The following KCNB2 variants were observed in gnomAD, a reference collection of about 807,000 sequenced individuals.
KCNB2 encodes delayed rectifier potassium channel protein.
KCNB2 carries 15 observed loss-of-function variants against 61.5 expected under a neutral mutation model. The ratio of observed to expected loss-of-function variants is 0.24; its 90% CI spans 0.16 to 0.38. The LOEUF (loss-of-function observed/expected upper bound fraction) is 0.38. Ranked by LOEUF, KCNB2 falls within the 10% of genes least tolerant of loss-of-function variation. The pLI, the probability that KCNB2 is intolerant of heterozygous loss-of-function variation, is 1.00. For synonymous variants in KCNB2, 457 were observed against 446.0 expected (o/e 1.02, Z -0.31); for missense variants, 828 against 1,125.2 (o/e 0.74, Z 3.78).
At chr8:72,757,786 G>A (rs2128996200) in intron 2 of KCNB2, among the ~76,000 whole-genome samples, 1 of 152,324 alleles carries the variant, frequency 6.6e-6, no homozygotes, top group East Asian at 1.9e-4. Flanking sequence ...GGCACTGACA[G>A]CAAAGGAAAA....
At chr8:72,927,808 T>G (rs1157123783) in intron 2 of KCNB2, among the ~76,000 whole-genome samples, 1 of 152,198 alleles carries the variant, frequency 6.6e-6, no homozygotes, top group African/African-American at 2.4e-5. Flanking sequence ...TCTTTATGGA[T>G]GCCCCCAGCC....
chr8:72,705,262 G>T (rs2255053), intron 2 of KCNB2, among the ~76,000 whole-genome samples: 1 of 152,030 alleles, frequency 6.6e-6, no homozygotes, highest in Non-Finnish European at 1.5e-5. Flanking sequence ...TCCCTGGAAC[G>T]TTTTTCTTGA....
At chr8:72,597,424 CT>C (rs1807217599) in intron 2 of KCNB2, among the ~76,000 whole-genome samples, 1 of 152,120 alleles carries the variant, frequency 6.6e-6, no homozygotes, top group African/African-American at 2.4e-5. Context: ...TTGTGTTGTT[CT>C]TGTTTCTTTG....
chr8:72,702,218 C>T (rs1807143478), intron 2 of KCNB2, among the ~76,000 whole-genome samples: 1 of 152,118 alleles, frequency 6.6e-6, no homozygotes, highest in African/African-American at 2.4e-5. Context: ...AAATTCTGTG[C>T]CAGCTCCTTT....
chr8:72,847,991 A>C (rs13262194), intron 2 of KCNB2, among the ~76,000 whole-genome samples: 129,741 of 152,124 alleles, frequency 0.85, 56,294 homozygotes, highest in Middle Eastern at 0.97. Flanking sequence ...TTCTCCTCAC[A>C]GTAGATCACA....
intron 2 of KCNB2, among the ~76,000 whole-genome samples, chr8:72,682,990 GT>G (rs1440902413): frequency 2.0e-5 from 3 of 152,172 alleles, no homozygotes; most frequent in Non-Finnish European, 4.4e-5. Flanking sequence ...ACTAGAAAAA[GT>G]TGTTTTGTGT....
At chr8:72,600,685 C>A (rs1050938207) in intron 2 of KCNB2, among the ~76,000 whole-genome samples, 5 of 151,838 alleles carry the variant, frequency 3.3e-5, no homozygotes, top group African/African-American at 1.2e-4. Context: ...ATGTCCTTTG[C>A]GGGAACATGG....
At chr8:72,762,882 AAT>A (rs10551590) in intron 2 of KCNB2, among the ~76,000 whole-genome samples, 45,904 of 141,476 alleles carry the variant, frequency 0.32, 7,356 homozygotes, top group African/African-American at 0.39. Flanking sequence ...CATATTAACA[AAT>A]ATATATATAT....
At chr8:72,605,587 A>G (rs11774106) in intron 2 of KCNB2, among the ~76,000 whole-genome samples, 19,325 of 152,122 alleles carry the variant, frequency 0.13, 1,695 homozygotes, top group East Asian at 0.51. Flanking sequence ...CAACAGTTAG[A>G]TGTTACAGTT....
At chr8:72,564,868 A>G (rs915059628) in intron 1 of KCNB2, among the ~76,000 whole-genome samples, 5 of 152,216 alleles carry the variant, frequency 3.3e-5, no homozygotes, top group African/African-American at 9.6e-5. Flanking sequence ...ATATAGCTTT[A>G]ATCTTAGTTT....
intron 2 of KCNB2, among the ~76,000 whole-genome samples, chr8:72,874,491 T>C (rs948745438): frequency 2.6e-5 from 4 of 152,086 alleles, no homozygotes; most frequent in Admixed American, 6.5e-5. Flanking sequence ...TAAAGCTAAG[T>C]GACAAGCAGG....
chr8:72,893,438 TA>T (rs1044742730), intron 2 of KCNB2, among the ~76,000 whole-genome samples: 5 of 151,980 alleles, frequency 3.3e-5, no homozygotes, highest in African/African-American at 4.8e-5. Context: ...CCTATTTTAA[TA>T]AAAAAAACTT....
intron 2 of KCNB2, among the ~76,000 whole-genome samples, chr8:72,588,218 C>CTTTTT (rs34803136): frequency 2.3e-5 from 3 of 132,836 alleles, no homozygotes; most frequent in Non-Finnish European, 1.6e-5. Context: ...GGTTTCTTTT[C>CTTTTT]TTTTTTTTTT....
At chr8:72,812,815 G>A (rs915132701) in intron 2 of KCNB2, among the ~76,000 whole-genome samples, 3 of 152,176 alleles carry the variant, frequency 2.0e-5, no homozygotes, top group Middle Eastern at 3.4e-3. Context: ...TTTTTACATT[G>A]ATATGCATAA....
chr8:72,906,611 G>C (rs973923316), intron 2 of KCNB2, among the ~76,000 whole-genome samples: 1 of 152,180 alleles, frequency 6.6e-6, no homozygotes, highest in Admixed American at 6.5e-5. Flanking sequence ...AAATTAACGT[G>C]GTGGAGCCAA....
chr8:72,623,064 T>C (rs1219450363), intron 2 of KCNB2, among the ~76,000 whole-genome samples: 3 of 152,180 alleles, frequency 2.0e-5, no homozygotes, highest in African/African-American at 7.2e-5. Context: ...ACAAATATCA[T>C]TTTTGGTGTG....
intron 2 of KCNB2, among the ~76,000 whole-genome samples, chr8:72,931,369 G>A (rs546827941): frequency 3.3e-5 from 5 of 152,110 alleles, no homozygotes; most frequent in East Asian, 3.9e-4. Flanking sequence ...ATGGCATTGA[G>A]TCTATAAATT....
chr8:72,892,580 A>G (rs1433040056), intron 2 of KCNB2, among the ~76,000 whole-genome samples: 1 of 152,132 alleles, frequency 6.6e-6, no homozygotes, highest in African/African-American at 2.4e-5. Context: ...CAGACCATCC[A>G]TATTTTGTAG....
At chr8:72,749,865 A>G (rs961545466) in intron 2 of KCNB2, among the ~76,000 whole-genome samples, 3 of 147,182 alleles carry the variant, frequency 2.0e-5, no homozygotes, top group African/African-American at 7.4e-5. Flanking sequence ...ATATTTTTAT[A>G]TATATATACA....
Sources: gnomAD v4.1 joint callset for allele counts (sites outside exome capture counted in the v4.1 genomes callset) on GRCh38, gnomAD v4.1.1 for gene constraint, MANE v1.5 for transcripts, NCBI Gene and HGNC (gene_info 2026-07-23, HGNC 2026-07-21) for gene names.